The following KCNIP4 variants were observed in gnomAD, a reference collection of about 807,000 sequenced individuals.
The protein encoded by KCNIP4 is potassium voltage-gated channel interacting protein 4, also known as Kv channel-interacting protein 4.
KCNIP4 carries 12 observed loss-of-function variants against 34.0 expected under a neutral mutation model. The observed-to-expected ratio is 0.35, with a 90% CI of 0.23 to 0.57. The LOEUF is 0.57. Ranked by LOEUF, KCNIP4 falls within the 20% of genes least tolerant of loss-of-function variation. KCNIP4 has a pLI of 0.83. For synonymous variants in KCNIP4, 124 were observed against 102.2 expected (o/e 1.21, Z -1.29); for missense variants, 238 against 311.7 (o/e 0.76, Z 1.78).
chr4:21,301,968 T>C (rs969021147), intron 1 of KCNIP4, among the ~76,000 whole-genome samples: 24 of 152,214 alleles, frequency 1.6e-4, no homozygotes, highest in African/African-American at 2.4e-5. Context: ...TTAATGTGGT[T>C]ATCAACATTT....
At chr4:21,569,907 C>A (rs1271641799) in intron 1 of KCNIP4, among the ~76,000 whole-genome samples, 1 of 152,000 alleles carries the variant, frequency 6.6e-6, no homozygotes, top group African/African-American at 2.4e-5. Context: ...ACTGAGGGGG[C>A]CTGGCTGTTT....
At chr4:20,963,275 C>A (rs143215911) in intron 1 of KCNIP4, among the ~76,000 whole-genome samples, 7 of 151,276 alleles carry the variant, frequency 4.6e-5, no homozygotes, top group Non-Finnish European at 1.0e-4. Flanking sequence ...TGCAGTGAGC[C>A]GAAATTGCAC....
intron 1 of KCNIP4, among the ~76,000 whole-genome samples, chr4:21,039,365 G>A (rs1307676788): frequency 3.0e-5 from 4 of 133,150 alleles, no homozygotes; most frequent in African/African-American, 9.9e-5. Context: ...GCAAGACTCC[G>A]TCTCAAAAAA....
At chr4:21,298,775 A>G (rs1763990001) in intron 1 of KCNIP4, among the ~76,000 whole-genome samples, 1 of 152,184 alleles carries the variant, frequency 6.6e-6, no homozygotes, top group African/African-American at 2.4e-5. Flanking sequence ...AGAAGATTAC[A>G]GTACACATGC....
At chr4:20,983,843 T>C (rs1260103015) in intron 1 of KCNIP4, 13 of 1,536,370 alleles carry the variant, frequency 8.5e-6, no homozygotes, top group Non-Finnish European at 1.1e-5. Flanking sequence ...TCCCAGCAAA[T>C]GAAGAAGCTT....
intron 3 of KCNIP4, among the ~76,000 whole-genome samples, chr4:20,779,161 C>T (rs1756628728): frequency 6.6e-6 from 1 of 152,092 alleles, no homozygotes; most frequent in Non-Finnish European, 1.5e-5. Flanking sequence ...CACTGGACTT[C>T]CTTCTAGGAG....
chr4:20,825,225 GTTTTTTTTT>G lies in KCNIP4; in HGVS notation c.288+25309_288+25317del, dbSNP rs71181592. ...AAAGGATTGACCTGGTCAATTTTACGTTTTTTTTTTTTTTTTTTTTTTTTGTAAGATCTG... is the reference window on the plus strand; with the variant it reads ...AAAGGATTGACCTGGTCAATTTTACGTTTTTTTTTTTTTTTGTAAGATCTG... On this transcript the variant is annotated intron_variant, in intron 3 of 8. Transcript: ENST00000382152. 4.6e-3 allele frequency among the ~76,000 whole-genome samples: 518 copies of G among 113,624 alleles called. 1 individual carries two copies. The highest frequency in any genetic ancestry group is 6.8e-3 in the Non-Finnish European group (388 of 57,318). 74.5% of individuals were successfully genotyped at this position (113,624 alleles called of 152,430 possible).
intron 1 of KCNIP4, among the ~76,000 whole-genome samples, chr4:21,865,720 A>G (rs1383257897): frequency 6.6e-6 from 1 of 151,418 alleles, no homozygotes; most frequent in Admixed American, 6.6e-5. Context: ...TTTTTGTATT[A>G]TTAGTAGAGA....
At chr4:21,265,216 C>T (rs1761722456) in intron 1 of KCNIP4, among the ~76,000 whole-genome samples, 1 of 152,020 alleles carries the variant, frequency 6.6e-6, no homozygotes, top group South Asian at 2.1e-4. Context: ...GGCCCCAGCA[C>T]CAGCACAGGC....
chr4:20,742,821 G>A (rs544382060), intron 5 of KCNIP4, among the ~76,000 whole-genome samples: 31 of 152,168 alleles, frequency 2.0e-4, no homozygotes, highest in Middle Eastern at 6.8e-3. Context: ...AAACCCTGTC[G>A]TCTCAGCCCA....
chr4:21,653,438 A>G (rs1253545791), intron 1 of KCNIP4, among the ~76,000 whole-genome samples: 2 of 152,226 alleles, frequency 1.3e-5, no homozygotes, highest in East Asian at 3.8e-4. Context: ...GTTAGCTAAT[A>G]TCAGTTTTAC....
At chr4:21,493,161 T>C (rs10003390) in intron 1 of KCNIP4, among the ~76,000 whole-genome samples, 5,752 of 152,178 alleles carry the variant, frequency 0.038, 331 homozygotes, top group African/African-American at 0.12. Flanking sequence ...CTGTAGTGCA[T>C]TCTTCTCTGA....
intron 1 of KCNIP4, among the ~76,000 whole-genome samples, chr4:21,328,383 G>T (rs895014625): frequency 6.6e-6 from 1 of 152,162 alleles, no homozygotes; most frequent in East Asian, 1.9e-4. Flanking sequence ...ACCAGGCAGA[G>T]GCTCTTCTTC....
intron 1 of KCNIP4, among the ~76,000 whole-genome samples, chr4:21,094,658 T>A (rs1032526237): frequency 4.6e-5 from 7 of 152,162 alleles, no homozygotes; most frequent in Non-Finnish European, 1.0e-4. Flanking sequence ...AATGAAGTTA[T>A]ATGACTTCTG....
At chr4:21,298,603 T>C (rs962353799) in intron 1 of KCNIP4, among the ~76,000 whole-genome samples, 28 of 152,228 alleles carry the variant, frequency 1.8e-4, no homozygotes, top group African/African-American at 6.3e-4. Context: ...GACTCTCAGT[T>C]TGAGAATAAA....
intron 1 of KCNIP4, among the ~76,000 whole-genome samples, chr4:21,909,915 C>T (rs1003422097): frequency 1.3e-5 from 2 of 152,040 alleles, no homozygotes; most frequent in East Asian, 3.9e-4. Flanking sequence ...GAAACTGCCC[C>T]CATGATTCAA....
At chr4:21,447,809 A>C (rs1336962163) in intron 1 of KCNIP4, among the ~76,000 whole-genome samples, 7 of 152,116 alleles carry the variant, frequency 4.6e-5, no homozygotes. Flanking sequence ...AGAGCTACTA[A>C]GTGATTAACA....
chr4:21,700,805 T>C (rs1278817759), intron 1 of KCNIP4, among the ~76,000 whole-genome samples: 1 of 152,206 alleles, frequency 6.6e-6, no homozygotes, highest in East Asian at 1.9e-4. Context: ...AGTTTCATTC[T>C]TCTACATATG....
intron 1 of KCNIP4, among the ~76,000 whole-genome samples, chr4:21,911,449 A>C (rs575022613): frequency 2.2e-4 from 33 of 151,236 alleles, no homozygotes; most frequent in African/African-American, 6.3e-4. Context: ...CTGAGCTTTA[A>C]AATGAAGACA....
Sources: gnomAD v4.1 joint callset for allele counts (sites outside exome capture counted in the v4.1 genomes callset) on GRCh38, gnomAD v4.1.1 for gene constraint, MANE v1.5 for transcripts, NCBI Gene and HGNC (gene_info 2026-07-23, HGNC 2026-07-21) for gene names.